MCCC1: variants seen among roughly 807,000 people sequenced by gnomAD.
MCCC1 encodes methylcrotonyl-CoA carboxylase subunit 1.
Under a neutral mutation model 83.8 loss-of-function variants are expected in MCCC1, and 64 were observed. That is an observed-to-expected ratio of 0.76 (90% confidence interval 0.62 to 0.94). The LOEUF (loss-of-function observed/expected upper bound fraction) is 0.94. Ranked by LOEUF, MCCC1 falls within the 40% of genes least tolerant of loss-of-function variation. The pLI is 0.00. For synonymous variants in MCCC1, 322 were observed against 315.4 expected (o/e 1.02, Z -0.22); for missense variants, 807 against 904.7 (o/e 0.89, Z 1.39).
intron 18 of MCCC1, 183 bp downstream of exon 18, chr3:183,017,083 A>C: frequency 3.2e-6 from 2 of 616,022 alleles, no homozygotes; most frequent in South Asian, 3.8e-5. Context: ...GCAATTTCAC[A>C]AAGTTAAAGT....
Position 183,030,686 on chromosome 3 carries a change from A to G in MCCC1, c.1681+3305T>C, listed in dbSNP as rs1016234423. 8.5e-4 allele frequency among the ~76,000 whole-genome samples: 129 copies of G among 152,340 alleles called. 1 individual carries two copies. The highest frequency in any genetic ancestry group is 3.0e-3 in the African/African-American group (126 of 41,574). On this transcript the variant is annotated intron_variant, in intron 14 of 18. Coordinates refer to ENST00000265594, the MANE Select transcript of MCCC1 (RefSeq NM_020166.5). The stretch of plus-strand genomic sequence containing the variant: ...AACTCCAGGGCCCGCACTCTTGACC[A>G]TCATGCTCTCCAGCTTCTCAACATA...
rs1013636417 is a variant in MCCC1, at chr3:183,063,021, T to C, written c.762-5599A>G. 8.5e-5 allele frequency among the ~76,000 whole-genome samples: 13 copies of C among 152,212 alleles called. 1 individual carries two copies. The East Asian group carries it at 2.3e-3, about 27-fold the overall frequency. On this transcript the variant is annotated intron_variant, in intron 7 of 18. Transcript: ENST00000265594. ...TTTTTTAAGACAGAGTCTTGCTCTG[T>C]CACCCAGGCTGTAGTGCAGTGGTGT... is the stretch of plus-strand genomic sequence containing the variant.
At chr3:183,022,391 G>C (rs777370590) in intron 16 of MCCC1, 26 bp downstream of exon 16, 2 of 1,612,872 alleles carry the variant, frequency 1.2e-6, no homozygotes, top group Non-Finnish European at 1.7e-6. Context: ...TGCCCCAGGA[G>C]GGATATTATA....
intron 15 of MCCC1, among the ~76,000 whole-genome samples, chr3:183,024,782 A>C (rs895687131): frequency 6.6e-6 from 1 of 152,170 alleles, no homozygotes; most frequent in Admixed American, 6.5e-5. Context: ...TAGCAATTCC[A>C]CTGCTGGATA....
chr3:183,043,065 G>A (rs917772013), intron 10 of MCCC1, among the ~76,000 whole-genome samples: 5 of 152,200 alleles, frequency 3.3e-5, no homozygotes, highest in African/African-American at 9.7e-5. Flanking sequence ...CGAGGCAGGC[G>A]GATCACCTGA....
intron 17 of MCCC1, chr3:183,017,761 A>G: frequency 4.7e-6 from 1 of 211,774 alleles, no homozygotes; most frequent in Non-Finnish European, 9.5e-6. Context: ...TGTACTGGTC[A>G]AATCAGAGGC....
intron 7 of MCCC1, among the ~76,000 whole-genome samples, chr3:183,058,124 A>C (rs996803036): frequency 2.6e-5 from 4 of 152,220 alleles, no homozygotes; most frequent in African/African-American, 9.6e-5. Flanking sequence ...CAAAATTACA[A>C]ATTATAGTCA....
rs368355877 is a variant in MCCC1, at chr3:183,115,295, C to CATTT, written c.-102+175_-102+178dup. Among the ~76,000 whole-genome samples the CATTT allele has an allele frequency of 1.3e-4, 20 of 152,332 alleles. No homozygotes were observed. In the East Asian group the frequency reaches 3.5e-3, roughly 26 times the overall value. On this transcript the variant is annotated intron_variant, in intron 1 of 17. Coordinates refer to the MCCC1 transcript ENST00000492597. ...CTCCGCTTTGCTTAGAATTGGCTATCATTTCTTCCAGGCTTCTAAGAGCCA... is the reference window on the plus strand; with the variant it reads ...CTCCGCTTTGCTTAGAATTGGCTATCATTTATTTCTTCCAGGCTTCTAAGAGCCA...
intron 1 of MCCC1, among the ~76,000 whole-genome samples, chr3:183,114,748 C>T (rs1407119469): frequency 6.6e-6 from 1 of 152,190 alleles, no homozygotes; most frequent in Non-Finnish European, 1.5e-5. Context: ...GTTCTGGAAA[C>T]GGAGCAAGGA....
intron 7 of MCCC1, among the ~76,000 whole-genome samples, chr3:183,063,434 A>G (rs1326929769): frequency 6.6e-6 from 1 of 152,160 alleles, no homozygotes. Context: ...GATTTGTGTA[A>G]TATCTTGATA....
chr3:183,071,151 C>T, intron 6 of MCCC1, 31 bp from the exon 7 acceptor site: 5 of 1,614,172 alleles, frequency 3.1e-6, no homozygotes, highest in South Asian at 1.1e-5. Flanking sequence ...ATGACTACAA[C>T]ATAAATAAAA....
chr3:183,096,954 G>A (rs547292291), intron 1 of MCCC1, among the ~76,000 whole-genome samples: 6 of 152,244 alleles, frequency 3.9e-5, no homozygotes, highest in Non-Finnish European at 5.9e-5. Context: ...AGACTGATTC[G>A]GTTTCAAGGC....
At chr3:183,040,407 C>T (rs888180525) in intron 11 of MCCC1, among the ~76,000 whole-genome samples, 10 of 151,812 alleles carry the variant, frequency 6.6e-5, no homozygotes, top group African/African-American at 2.4e-4. Context: ...CCATTCCAGA[C>T]ATCCTCTTAA....
Position 183,017,280 on chromosome 3 carries a change from C to T in MCCC1, c.2035G>A (p.Ala679Thr), listed in dbSNP as rs202192191. Residue 679 changes from alanine (A) to threonine (T), a missense_variant, in exon 18 of 19, where the codon GCC becomes ACC. By Grantham distance (58) the Ala-to-Thr change is moderately conservative. Transcript: ENST00000265594. ...KAGDSLMVMIAMKMEHTIKSP... is the reference protein window; with the variant it reads ...KAGDSLMVMITMKMEHTIKSP... ...GATTTCCTTACCTCCATCTTCATGGCGATCATAACCATGAGGGAATCTCCC... is the reference window on the plus strand; with the variant it reads ...GATTTCCTTACCTCCATCTTCATGGTGATCATAACCATGAGGGAATCTCCC... 52 of 1,613,680 alleles carry T rather than the reference C, an allele frequency of 3.2e-5. No homozygotes were observed. In the East Asian group the frequency reaches 8.0e-4, roughly 25 times the overall value.
chr3:183,036,747 G>A (rs1713637654), intron 13 of MCCC1, among the ~76,000 whole-genome samples: 1 of 152,032 alleles, frequency 6.6e-6, no homozygotes. Flanking sequence ...CACCATGTTA[G>A]CCAGGATGGT....
At chr3:183,085,200 T>G (rs998642711) in intron 4 of MCCC1, among the ~76,000 whole-genome samples, 16 of 152,164 alleles carry the variant, frequency 1.1e-4, no homozygotes, top group African/African-American at 3.1e-4. Context: ...TTAATTGTTT[T>G]GCCTTCTTTC....
In MCCC1 at chr3:183,094,088, G is replaced by A. The variant is rs184971346; in HGVS notation, c.136+471C>T. The stretch of plus-strand genomic sequence containing the variant: ...TTTTGAGACGAAGTCTTGCTCTGTC[G>A]CCCAGGCTGGAGTGCAGTGGCGAGA... On this transcript the variant is annotated intron_variant, in intron 2 of 18. Coordinates refer to ENST00000265594, the MANE Select transcript of MCCC1 (RefSeq NM_020166.5). Among the ~76,000 whole-genome samples the A allele has an allele frequency of 3.2e-4, 44 of 137,668 alleles. No homozygotes were observed. The East Asian group carries it at 4.6e-3, about 15-fold the overall frequency. 90.3% of individuals were successfully genotyped at this position (137,668 alleles called of 152,430 possible).
intron 3 of MCCC1, chr3:183,090,874 C>T (rs1160783997): frequency 2.4e-6 from 1 of 414,382 alleles, no homozygotes; most frequent in Admixed American, 2.6e-5. Flanking sequence ...AGGTGTGAGC[C>T]ACTGCGCCCA....
chr3:183,091,904 G>A (rs1718377379), intron 3 of MCCC1, among the ~76,000 whole-genome samples: 1 of 152,102 alleles, frequency 6.6e-6, no homozygotes, highest in African/African-American at 2.4e-5. Context: ...CGGTCGTGGT[G>A]GAGGGCACCT....
Sources: gnomAD v4.1 joint callset for allele counts (sites outside exome capture counted in the v4.1 genomes callset) on GRCh38, gnomAD v4.1.1 for gene constraint, MANE v1.5 for transcripts, NCBI Gene and HGNC (gene_info 2026-07-23, HGNC 2026-07-21) for gene names.